Variants in RBFOX1 observed in about 807,000 individuals in gnomAD.
RBFOX1 encodes the protein RNA binding protein fox-1 homolog 1.
Under a neutral mutation model 57.7 loss-of-function variants are expected in RBFOX1, and 8 were observed. That is an observed-to-expected ratio of 0.14 (90% CI 0.08 to 0.25). RBFOX1 has a LOEUF of 0.25. RBFOX1 is among the 10% of genes least tolerant of loss of function. The probability of loss-of-function intolerance (pLI) is 1.00; values close to 1 mark genes in which losing one functional copy is unlikely to be tolerated. For synonymous variants in RBFOX1, 326 were observed against 222.4 expected (o/e 1.47, Z -4.15); for missense variants, 611 against 548.5 (o/e 1.11, Z -1.14).
intron 3 of RBFOX1, among the ~76,000 whole-genome samples, chr16:6,892,224 G>T (rs2065619588): frequency 6.6e-6 from 1 of 152,068 alleles, no homozygotes; most frequent in Admixed American, 6.6e-5. Context: ...CTTCCCCAGA[G>T]CTCCTTCAAT....
At chr16:5,665,628 C>G (rs2049818412) in intron 3 of RBFOX1, among the ~76,000 whole-genome samples, 2 of 152,204 alleles carry the variant, frequency 1.3e-5, no homozygotes, top group African/African-American at 4.8e-5. Context: ...CAGTGTTTGG[C>G]AGATAGTTGG....
intron 4 of RBFOX1, among the ~76,000 whole-genome samples, chr16:7,431,037 C>T (rs1433002120): frequency 2.6e-5 from 4 of 152,172 alleles, no homozygotes; most frequent in Middle Eastern, 3.2e-3. Flanking sequence ...TCTAAGCCCA[C>T]CCTGGTCCTC....
chr16:6,583,971 CAAAT>C (rs772277440), intron 2 of RBFOX1, among the ~76,000 whole-genome samples: 7 of 144,422 alleles, frequency 4.8e-5, no homozygotes, highest in South Asian at 4.7e-4. Flanking sequence ...AGCTGAAAAA[CAAAT>C]AAACAATAAC....
At chr16:5,285,021 G>A (rs912224483) in intron 1 of RBFOX1, among the ~76,000 whole-genome samples, 2 of 151,932 alleles carry the variant, frequency 1.3e-5, no homozygotes, top group African/African-American at 4.8e-5. Flanking sequence ...GACTTAGGAA[G>A]TTTTCAGTTA....
chr16:6,852,792 A>T (rs1248946561), intron 3 of RBFOX1, among the ~76,000 whole-genome samples: 2 of 151,926 alleles, frequency 1.3e-5, no homozygotes, highest in African/African-American at 4.8e-5. Context: ...ACATGCTGGG[A>T]ACTAGCTGTC....
intron 4 of RBFOX1, among the ~76,000 whole-genome samples, chr16:7,078,839 C>T (rs1300832884): frequency 4.1e-5 from 6 of 147,544 alleles, no homozygotes; most frequent in South Asian, 2.2e-4. Context: ...TGTGCCACCA[C>T]GCCCAGCTAA....
intron 3 of RBFOX1, among the ~76,000 whole-genome samples, chr16:6,984,561 C>T (rs753110771): frequency 9.9e-5 from 15 of 152,224 alleles, no homozygotes; most frequent in Admixed American, 2.0e-4. Context: ...CATTGAGTTC[C>T]GGATTCACTG....
intron 4 of RBFOX1, among the ~76,000 whole-genome samples, chr16:7,185,813 A>G (rs765226020): frequency 5.9e-5 from 9 of 152,132 alleles, no homozygotes; most frequent in Non-Finnish European, 1.0e-4. Context: ...CATCAGTCAG[A>G]CTCTCAGGTA....
At chr16:6,029,250 G>A (rs1039476496) in intron 1 of RBFOX1, among the ~76,000 whole-genome samples, 1 of 152,188 alleles carries the variant, frequency 6.6e-6, no homozygotes, top group South Asian at 2.1e-4. Context: ...TTTTGTCTGT[G>A]TAAACCTAAA....
At chr16:7,208,941 A>C (rs942515992) in intron 4 of RBFOX1, among the ~76,000 whole-genome samples, 16 of 152,120 alleles carry the variant, frequency 1.1e-4, no homozygotes, top group African/African-American at 3.9e-4. Flanking sequence ...GCATTAATCT[A>C]TTCATGAGGG....
intron 4 of RBFOX1, among the ~76,000 whole-genome samples, chr16:7,460,296 G>C (rs1047226600): frequency 6.7e-6 from 1 of 149,024 alleles, no homozygotes; most frequent in African/African-American, 2.5e-5. Context: ...TCCCTAGCCA[G>C]CCCACGTATC....
intron 3 of RBFOX1, chr16:6,773,952 C>G (rs959572655): frequency 2.0e-6 from 2 of 985,286 alleles, no homozygotes; most frequent in Non-Finnish European, 1.2e-6. Flanking sequence ...TGTGCACACG[C>G]ACATGGTTCT....
At chr16:5,679,346 TAAA>T (rs1394276300) in intron 3 of RBFOX1, among the ~76,000 whole-genome samples, 4 of 151,748 alleles carry the variant, frequency 2.6e-5, no homozygotes, top group African/African-American at 9.7e-5. Context: ...TTTTTTTTTT[TAAA>T]AAACAATTTA....
At chr16:7,086,755 C>G (rs1188888413) in intron 4 of RBFOX1, among the ~76,000 whole-genome samples, 2 of 152,204 alleles carry the variant, frequency 1.3e-5, no homozygotes, top group Non-Finnish European at 2.9e-5. Flanking sequence ...AAAATTTGGT[C>G]TTCTAATGAG....
At chr16:6,856,116 C>CTTCCTTCCG (rs1567578050) in intron 3 of RBFOX1, among the ~76,000 whole-genome samples, 1 of 151,498 alleles carries the variant, frequency 6.6e-6, no homozygotes, top group Non-Finnish European at 1.5e-5. Flanking sequence ...CCTTTCTTCC[C>CTTCCTTCCG]TTTCCTTCCC....
intron 3 of RBFOX1, among the ~76,000 whole-genome samples, chr16:6,886,841 C>T (rs957003203): frequency 6.6e-6 from 1 of 151,770 alleles, no homozygotes; most frequent in Non-Finnish European, 1.5e-5. Context: ...GCTTTAGAAT[C>T]AGTGAAATAT....
intron 1 of RBFOX1, among the ~76,000 whole-genome samples, chr16:5,398,463 A>AT (rs2066624676): frequency 6.6e-6 from 1 of 151,282 alleles, no homozygotes; most frequent in Admixed American, 6.6e-5. Context: ...ATGTGTATGC[A>AT]TGTGTGTGAA....
intron 4 of RBFOX1, among the ~76,000 whole-genome samples, chr16:7,357,336 T>G (rs573306164): frequency 2.0e-5 from 3 of 152,254 alleles, no homozygotes; most frequent in Admixed American, 1.3e-4. Flanking sequence ...CAAAAACATT[T>G]TTAGAGAAAC....
intron 2 of RBFOX1, among the ~76,000 whole-genome samples, chr16:6,480,792 C>G (rs1422928713): frequency 6.6e-6 from 1 of 151,902 alleles, no homozygotes; most frequent in Non-Finnish European, 1.5e-5. Context: ...ATATTTGTAC[C>G]TTATAGTGTG....
Sources: gnomAD v4.1 joint callset for allele counts (sites outside exome capture counted in the v4.1 genomes callset) on GRCh38, gnomAD v4.1.1 for gene constraint, MANE v1.5 for transcripts, NCBI Gene and HGNC (gene_info 2026-07-23, HGNC 2026-07-21) for gene names.